The following HLCS variants were observed in gnomAD, a reference collection of about 807,000 sequenced individuals.
The protein encoded by HLCS is biotin--protein ligase.
HLCS carries 53 observed loss-of-function variants against 75.0 expected under a neutral mutation model. That is an observed-to-expected ratio of 0.71 (90% CI 0.57 to 0.89). The LOEUF (loss-of-function observed/expected upper bound fraction) is 0.89. Among genes scored for constraint, HLCS ranks in the 40% least tolerant of loss-of-function variants. The probability of loss-of-function intolerance (pLI) is 0.00; values close to 1 mark genes in which losing one functional copy is unlikely to be tolerated. For synonymous variants in HLCS, 431 were observed against 428.6 expected (o/e 1.01, Z -0.07); for missense variants, 966 against 1,074.0 (o/e 0.90, Z 1.41).
chr21:36,880,508 T>C (rs1029054983), intron 6 of HLCS, among the ~76,000 whole-genome samples: 1 of 151,662 alleles, frequency 6.6e-6, no homozygotes, highest in Admixed American at 6.6e-5. Context: ...AAAAAAAAAA[T>C]CATATTACAT....
intron 6 of HLCS, among the ~76,000 whole-genome samples, chr21:36,830,865 C>T (rs1446325377): frequency 4.7e-5 from 7 of 149,092 alleles, no homozygotes; most frequent in African/African-American, 1.7e-4. Context: ...CAGGTGATCC[C>T]TACATCCAGG....
chr21:36,801,238 G>A (rs1004748809), intron 6 of HLCS, among the ~76,000 whole-genome samples: 4 of 152,170 alleles, frequency 2.6e-5, no homozygotes, highest in Non-Finnish European at 5.9e-5. Flanking sequence ...AACACACCCA[G>A]TTCACAATAG....
At chr21:36,846,946 A>G (rs2062819111) in intron 6 of HLCS, among the ~76,000 whole-genome samples, 1 of 152,198 alleles carries the variant, frequency 6.6e-6, no homozygotes, top group Admixed American at 6.5e-5. Context: ...GATTTTCAAA[A>G]GGCCATTCCA....
At chr21:36,896,822 G>A (rs903073031) in intron 6 of HLCS, 38 bp downstream of exon 6, 2 of 1,609,602 alleles carry the variant, frequency 1.2e-6, no homozygotes, top group African/African-American at 2.7e-5. Context: ...AATGGAACAG[G>A]ACTCCTCTGA....
chr21:36,771,632 C>T (rs972341545), intron 6 of HLCS, among the ~76,000 whole-genome samples: 6 of 152,192 alleles, frequency 3.9e-5, no homozygotes, highest in African/African-American at 1.4e-4. Flanking sequence ...GACCACCGGA[C>T]ACTTTTAGGT....
chr21:36,983,183 T>A (rs551243994), intron 1 of HLCS, among the ~76,000 whole-genome samples: 1 of 120,176 alleles, frequency 8.3e-6, no homozygotes, highest in South Asian at 3.2e-4. Flanking sequence ...TACAACCTCT[T>A]TTTTATTTTC....
intron 6 of HLCS, among the ~76,000 whole-genome samples, chr21:36,809,491 T>C (rs17461392): frequency 0.012 from 1,829 of 152,312 alleles, 28 homozygotes; most frequent in African/African-American, 0.041. Flanking sequence ...TGTCACTGAA[T>C]TCTGAAATTT....
chr21:36,908,027 C>T (rs1000755300), intron 5 of HLCS, among the ~76,000 whole-genome samples: 1 of 151,892 alleles, frequency 6.6e-6, no homozygotes, highest in East Asian at 1.9e-4. Context: ...TGTGAGCACA[C>T]CACTGCATTC....
At chr21:36,850,189 A>G (rs538966461) in intron 6 of HLCS, among the ~76,000 whole-genome samples, 2 of 152,374 alleles carry the variant, frequency 1.3e-5, no homozygotes, top group East Asian at 3.9e-4. Flanking sequence ...TCCTATAAAT[A>G]CATTAAAAGT....
chr21:36,777,165 C>T (rs977470687), intron 6 of HLCS, among the ~76,000 whole-genome samples: 10 of 152,164 alleles, frequency 6.6e-5, no homozygotes, highest in Non-Finnish European at 7.3e-5. Flanking sequence ...ATAAATGCAT[C>T]GCATCTTGTG....
At chr21:36,870,578 T>C (rs911034404) in intron 6 of HLCS, among the ~76,000 whole-genome samples, 2 of 152,226 alleles carry the variant, frequency 1.3e-5, no homozygotes, top group Non-Finnish European at 1.5e-5. Flanking sequence ...TTTGCAGATA[T>C]GAGGATTTTC....
At chr21:36,915,935 A>G (rs2065909324) in intron 5 of HLCS, among the ~76,000 whole-genome samples, 1 of 152,056 alleles carries the variant, frequency 6.6e-6, no homozygotes, top group African/African-American at 2.4e-5. Flanking sequence ...GCAGCTCCCA[A>G]TCCATTAGGG....
intron 5 of HLCS, among the ~76,000 whole-genome samples, chr21:36,901,863 A>T (rs1022462847): frequency 2.0e-5 from 3 of 152,146 alleles, no homozygotes; most frequent in Non-Finnish European, 4.4e-5. Flanking sequence ...TTTTTGGGGG[A>T]CACAACTCAA....
chr21:36,891,220 G>A (rs781204819), intron 6 of HLCS, among the ~76,000 whole-genome samples: 6 of 152,044 alleles, frequency 3.9e-5, no homozygotes, highest in Non-Finnish European at 8.8e-5. Flanking sequence ...TAAACACTGG[G>A]ATCACCATCC....
chr21:36,816,785 T>C (rs1435081207), intron 6 of HLCS, among the ~76,000 whole-genome samples: 1 of 152,182 alleles, frequency 6.6e-6, no homozygotes, highest in East Asian at 1.9e-4. Flanking sequence ...AAGAAGCTCA[T>C]AGCCACCACG....
chr21:36,980,029 A>G (rs1006333609), intron 1 of HLCS, among the ~76,000 whole-genome samples: 2 of 56,144 alleles, frequency 3.6e-5, no homozygotes, highest in African/African-American at 1.2e-4. Flanking sequence ...CCCATCTCAA[A>G]AAAAAAAAAA....
chr21:36,955,542 AT>A (rs34107101), intron 2 of HLCS, among the ~76,000 whole-genome samples: 84,854 of 151,884 alleles, frequency 0.56, 23,962 homozygotes, highest in East Asian at 0.64. Flanking sequence ...GAAAGAAAAT[AT>A]TTTTTACAGC....
At chr21:36,801,626 T>C (rs1298564051) in intron 6 of HLCS, among the ~76,000 whole-genome samples, 1 of 152,228 alleles carries the variant, frequency 6.6e-6, no homozygotes, top group Non-Finnish European at 1.5e-5. Flanking sequence ...TTATTATTAT[T>C]AATGTTTCTA....
At chr21:36,779,784 A>G (rs1455362771) in intron 6 of HLCS, among the ~76,000 whole-genome samples, 1 of 151,472 alleles carries the variant, frequency 6.6e-6, no homozygotes, top group Non-Finnish European at 1.5e-5. Context: ...CTGTACTTCT[A>G]TATTACATTT....
Sources: gnomAD v4.1 joint callset for allele counts (sites outside exome capture counted in the v4.1 genomes callset) on GRCh38, gnomAD v4.1.1 for gene constraint, MANE v1.5 for transcripts, NCBI Gene and HGNC (gene_info 2026-07-23, HGNC 2026-07-21) for gene names.